Variants in MTOR observed in about 807,000 individuals in gnomAD.
MTOR encodes the protein mechanistic target of rapamycin kinase.
MTOR carries 70 observed loss-of-function variants against 319.8 expected under a neutral mutation model. The ratio of observed to expected loss-of-function variants is 0.22; its 90% confidence interval spans 0.18 to 0.27. The LOEUF (loss-of-function observed/expected upper bound fraction) is 0.27. MTOR is among the 10% of genes least tolerant of loss of function. The pLI is 1.00. For missense variants in MTOR, 1,890 were observed against 3,274.4 expected, an observed-to-expected ratio of 0.58 and a Z score of 10.32; for synonymous variants, 1,183 against 1,211.4, an observed-to-expected ratio of 0.98 and a Z score of 0.49.
At chr1:11,143,651 A>G (rs1557769848) in intron 34 of MTOR, among the ~76,000 whole-genome samples, 1 of 152,170 alleles carries the variant, frequency 6.6e-6, no homozygotes, top group East Asian at 1.9e-4. Flanking sequence ...TGAGCTTCCT[A>G]GGCAGGAATG....
intron 18 of MTOR, among the ~76,000 whole-genome samples, chr1:11,229,833 G>C (rs1199811322): frequency 6.6e-6 from 1 of 151,712 alleles, no homozygotes; most frequent in Non-Finnish European, 1.5e-5. Context: ...AAAAAGTATC[G>C]AGGTGTGGTG....
At chr1:11,139,753 G>A in intron 34 of MTOR, 95 bp from the exon 35 acceptor site, 1 of 1,492,964 alleles carries the variant, frequency 6.7e-7, no homozygotes, top group Non-Finnish European at 9.1e-7. Context: ...GTGCAGTGGT[G>A]CAATCTTGGC....
chr1:11,159,459 T>C (rs1168012099), intron 29 of MTOR, among the ~76,000 whole-genome samples: 1 of 152,092 alleles, frequency 6.6e-6, no homozygotes, highest in Non-Finnish European at 1.5e-5. Context: ...CTGATCAACA[T>C]GGAGAAACCC....
At chr1:11,149,646 A>G (rs1644066591) in intron 31 of MTOR, 1 of 153,342 alleles carries the variant, frequency 6.5e-6, no homozygotes, top group Admixed American at 6.5e-5. Flanking sequence ...TCAGTGAGAA[A>G]CACAAATCAC....
chr1:11,122,228 G>C (rs1642569826), intron 47 of MTOR, 102 bp from the exon 48 acceptor site: 11 of 1,436,044 alleles, frequency 7.7e-6, no homozygotes, highest in Admixed American at 6.5e-5. Flanking sequence ...TTTTGAGACA[G>C]AGTCTTGCTC....
chr1:11,202,778 C>A (rs180716251), intron 26 of MTOR, among the ~76,000 whole-genome samples: 1 of 151,918 alleles, frequency 6.6e-6, no homozygotes, highest in African/African-American at 2.4e-5. Context: ...GGGCCTGGTG[C>A]GTGTCTGCAG....
In MTOR at chr1:11,254,684, C is replaced by T. The variant is rs560208255; in HGVS notation, c.706-711G>A. Among the ~76,000 whole-genome samples, 253 of 152,214 alleles carry T rather than the reference C, an allele frequency of 1.7e-3. 2 individuals carry two copies. The highest frequency in any genetic ancestry group is 5.6e-3 in the African/African-American group (234 of 41,542). ...ATTATACTAGAGCAGAGAGAAATGG[C>T]ACTTTCTAAATTAGTATCATTTGTA... On this transcript the variant is annotated intron_variant, in intron 5 of 57. Transcript: ENST00000361445.
At chr1:11,187,134 T>C (rs898682669) in intron 28 of MTOR, among the ~76,000 whole-genome samples, 1 of 152,190 alleles carries the variant, frequency 6.6e-6, no homozygotes, top group Non-Finnish European at 1.5e-5. Context: ...GGTGAGCTAC[T>C]GGGAAGAATA....
chr1:11,127,810 A>G lies in MTOR; in HGVS notation c.6034-4T>C, dbSNP rs746218664. 2.5e-6 allele frequency: 4 copies of G among 1,609,128 alleles called. No homozygotes were observed. Among genetic ancestry groups the G allele is most frequent in the Non-Finnish European group, 3.4e-6 (4 of 1,177,524 alleles). ...CTCGGATCAGCTCCTCGCTCACCTG[A>G]AGCCAAGAGAAGAAGGAGAGAAGCA... On this transcript the variant is annotated splice_polypyrimidine_tract_variant and splice_region_variant and intron_variant, in intron 43 of 57. Transcript: ENST00000361445. This position sits in a 1 kb window ranked among gnomAD's most constrained non-coding sequence, Gnocchi z 5.5.
At chr1:11,178,651 G>C (rs929661469) in intron 28 of MTOR, among the ~76,000 whole-genome samples, 8 of 152,150 alleles carry the variant, frequency 5.3e-5, no homozygotes, top group Admixed American at 1.3e-4. Context: ...TTCACATCCA[G>C]AGAGAAACAA....
At chr1:11,155,268 C>A (rs1430862214) in intron 30 of MTOR, among the ~76,000 whole-genome samples, 1 of 152,000 alleles carries the variant, frequency 6.6e-6, no homozygotes, top group Non-Finnish European at 1.5e-5. Flanking sequence ...GAACAGTGGC[C>A]TAGACTTGTT....
rs1462720699 is a variant in MTOR at position 11,106,877 on chromosome 1, T to A, written c.*608A>T. 5 of 1,352,006 alleles carry A rather than the reference T, an allele frequency of 3.7e-6. No individual in the cohort carries two copies. The highest frequency in any genetic ancestry group is 4.9e-6 in the Non-Finnish European group (5 of 1,030,088). 83.8% of individuals were successfully genotyped at this position (1,352,006 alleles called of 1,614,324 possible). A position where few individuals can be genotyped will look rare whatever the true frequency, so the allele number is the denominator to read the frequency against. ...ATAAACCTCCCTACTAGCGGTCAGGTCTTGAATTGAAGCGTGTGAGTCGCA... is the reference window on the plus strand; with the variant it reads ...ATAAACCTCCCTACTAGCGGTCAGGACTTGAATTGAAGCGTGTGAGTCGCA... On this transcript the variant is annotated 3_prime_UTR_variant, in exon 58 of 58. Coordinates refer to ENST00000361445, the MANE Select transcript of MTOR (RefSeq NM_004958.4).
intron 19 of MTOR, among the ~76,000 whole-genome samples, chr1:11,222,265 C>T (rs933225465): frequency 5.9e-5 from 9 of 151,474 alleles, no homozygotes; most frequent in Non-Finnish European, 1.3e-4. Flanking sequence ...GGCCCAATCT[C>T]GGCTCACTGC....
rs2100509860 is a variant in MTOR, at chr1:11,144,997, C to A, written c.4735G>T (p.Ala1579Ser). ...DLLDAELTAMAGESYSRAYGA... is the reference protein window; with the variant it reads ...DLLDAELTAMSGESYSRAYGA... ...TATGCCCGACTGTAACTCTCTCCTG[C>A]CATCGCAGTTAATTCAGCATCCAGC... The change falls in exon 33 of 58, where the codon GCA (alanine) becomes TCA (serine). Residue 1579 changes from alanine (A) to serine (S), a missense_variant. Physicochemically the swap from Ala to Ser is moderately conservative, Grantham distance 99. This residue lies in a region of MTOR where 276 missense variants were observed against 459.4 expected (regional missense o/e 0.60). Coordinates refer to ENST00000361445, the MANE Select transcript of MTOR (RefSeq NM_004958.4). 1 of 1,614,116 alleles carries A rather than the reference C, an allele frequency of 6.2e-7. No homozygotes were observed. Among genetic ancestry groups the A allele is most frequent in the Non-Finnish European group, 8.5e-7 (1 of 1,179,992 alleles).
intron 31 of MTOR, 42 bp downstream of exon 31, chr1:11,150,084 C>A: frequency 1.3e-6 from 2 of 1,574,386 alleles, no homozygotes; most frequent in Non-Finnish European, 1.7e-6. Context: ...CCTAGCCTCA[C>A]TCACCCCATC....
In MTOR at chr1:11,107,236, T is replaced by C. The variant is rs963044799; in HGVS notation, c.*249A>G. The C allele has an allele frequency of 2.2e-5, 31 of 1,420,690 alleles. No homozygotes were observed. Among genetic ancestry groups the C allele is most frequent in the African/African-American group, 8.6e-5 (6 of 69,672 alleles). 88.0% of individuals were successfully genotyped at this position (1,420,690 alleles called of 1,614,324 possible). ...CTGTTCCCCAAAATGAATGGCTTGATTTACGTGGTATTACTATGTTTCACT... is the reference window on the plus strand; with the variant it reads ...CTGTTCCCCAAAATGAATGGCTTGACTTACGTGGTATTACTATGTTTCACT... On this transcript the variant is annotated 3_prime_UTR_variant, in exon 58 of 58. Coordinates refer to ENST00000361445, the MANE Select transcript of MTOR (RefSeq NM_004958.4).
chr1:11,213,003 T>C, intron 21 of MTOR, 95 bp from the exon 22 acceptor site: 1 of 901,516 alleles, frequency 1.1e-6, no homozygotes, highest in Non-Finnish European at 1.8e-6. Flanking sequence ...CAAAGTTCTC[T>C]GGGGACTGGG....
chr1:11,185,448 G>A (rs1270736572), intron 28 of MTOR, among the ~76,000 whole-genome samples: 1 of 150,946 alleles, frequency 6.6e-6, no homozygotes, highest in South Asian at 2.1e-4. Flanking sequence ...AAGAAAGAAA[G>A]AAAAAAAGAT....
rs1307585299 is a variant in MTOR, at chr1:11,199,866, A to T, written c.3945-163T>A. Among the ~76,000 whole-genome samples, 1 of 152,242 alleles carries T rather than the reference A, an allele frequency of 6.6e-6. No homozygotes were observed. The highest frequency in any genetic ancestry group is 2.4e-5 in the African/African-American group (1 of 41,472). ...AGAGAATTTTCCTGTCCAATATGGT[A>T]GCCAGTGATCACTAAAGCACTTGAA... On this transcript the variant is annotated intron_variant, in intron 26 of 57. Transcript: ENST00000361445. The surrounding 1 kb of genome is among the most constrained non-coding windows in gnomAD (Gnocchi z 4.5).
Sources: allele counts gnomAD v4.1 joint callset (sites outside exome capture counted in the v4.1 genomes callset), GRCh38; gene constraint gnomAD v4.1.1; regional missense constraint gnomAD v4.1.1; non-coding constraint Gnocchi (gnomAD v3.1); transcripts MANE v1.5; gene names NCBI Gene and HGNC (gene_info 2026-07-23, HGNC 2026-07-21).